Variants in STK31 observed in about 807,000 individuals in gnomAD.
STK31 encodes serine/threonine kinase 31.
Under a neutral mutation model 129.7 loss-of-function variants are expected in STK31, and 89 were observed. That is an observed-to-expected ratio of 0.69 (90% confidence interval 0.58 to 0.82). The LOEUF is 0.82. STK31 is among the 40% of genes least tolerant of loss of function. The probability of loss-of-function intolerance (pLI) is 0.00; values close to 1 mark genes in which losing one functional copy is unlikely to be tolerated. For synonymous variants in STK31, 448 were observed against 395.3 expected, an observed-to-expected ratio of 1.13 and a Z score of -1.58; for missense variants, 1,187 against 1,176.4, an observed-to-expected ratio of 1.01 and a Z score of -0.13.
chr7:23,753,168 A>G (rs1349520596), intron 9 of STK31, among the ~76,000 whole-genome samples: 1 of 152,224 alleles, frequency 6.6e-6, no homozygotes, highest in Non-Finnish European at 1.5e-5. Context: ...ATGTCCTTGA[A>G]TAACGTGTTT....
At chr7:23,758,442 G>GT (rs201121433) in intron 10 of STK31, among the ~76,000 whole-genome samples, 162 of 151,016 alleles carry the variant, frequency 1.1e-3, no homozygotes, top group African/African-American at 3.7e-3. Context: ...TTTTTGGAGT[G>GT]TTTTTTTTGT....
chr7:23,764,327 A>G (rs1294157223), intron 11 of STK31, among the ~76,000 whole-genome samples: 1 of 152,190 alleles, frequency 6.6e-6, no homozygotes, highest in Non-Finnish European at 1.5e-5. Flanking sequence ...TTAAAAGTTC[A>G]ATGCTAGAAG....
intron 5 of STK31, 40 bp downstream of exon 5, chr7:23,727,355 A>G: frequency 1.3e-6 from 2 of 1,586,588 alleles, no homozygotes; most frequent in Non-Finnish European, 1.7e-6. Flanking sequence ...GCTTTAAGAA[A>G]TATTTATTGT....
chr7:23,827,740 C>T (rs1370831582), intron 23 of STK31, among the ~76,000 whole-genome samples: 1 of 152,116 alleles, frequency 6.6e-6, no homozygotes, highest in Admixed American at 6.5e-5. Context: ...TACCTTTGGT[C>T]TTTGATGATG....
intron 23 of STK31, among the ~76,000 whole-genome samples, chr7:23,816,263 A>T (rs1223749122): frequency 6.6e-6 from 1 of 152,232 alleles, no homozygotes; most frequent in African/African-American, 2.4e-5. Context: ...TATGATAAAA[A>T]TTTATTGCTA....
rs1183626396 is a variant in STK31, at chr7:23,710,264, G to GC, written c.-22_-21insC. 3.1e-6 allele frequency: 5 copies of GC among 1,610,940 alleles called. No individual in the cohort carries two copies. Among genetic ancestry groups the GC allele is most frequent in the Non-Finnish European group, 4.2e-6 (5 of 1,179,466 alleles). On this transcript the variant is annotated 5_prime_UTR_variant, in exon 1 of 24. Transcript: ENST00000355870. ...AAGCCGCTGCACGTGTGCTACGGCG[G>GC]GCGGAGGGCCGAAAGTCCAGTATGT...
chr7:23,819,239 A>C (rs778815113), intron 23 of STK31, among the ~76,000 whole-genome samples: 3 of 152,166 alleles, frequency 2.0e-5, no homozygotes, highest in Non-Finnish European at 2.9e-5. Context: ...GTTCTTAAAA[A>C]CATATTCTGT....
Position 23,769,074 on chromosome 7 carries a change from A to C in STK31, c.1496A>C (p.Tyr499Ser). 1.2e-6 allele frequency: 2 copies of C among 1,613,370 alleles called. No individual in the cohort carries two copies. The highest frequency in any genetic ancestry group is 1.7e-6 in the Non-Finnish European group (2 of 1,179,470). ...TCTGATGAAATACTTAAAAAATTTTATGACTGGAAGTGTGATAAAAGAGAG... is the reference window on the plus strand; with the variant it reads ...TCTGATGAAATACTTAAAAAATTTTCTGACTGGAAGTGTGATAAAAGAGAG... ...ANSDEILKKF[Y>S]DWKCDKREEF... The change falls in exon 12 of 24, where the codon TAT (tyrosine) becomes TCT (serine). Residue 499 changes from tyrosine to serine, a missense_variant. Physicochemically the swap from Tyr to Ser is moderately radical, Grantham distance 144. Around this residue, in one of 5 missense-constraint regions of STK31, gnomAD observed 975 missense variants for 934.9 expected, o/e 1.04. Coordinates refer to ENST00000355870, the MANE Select transcript of STK31 (RefSeq NM_031414.5).
chr7:23,784,328 G>C (rs1360700734), intron 17 of STK31, among the ~76,000 whole-genome samples: 1 of 152,088 alleles, frequency 6.6e-6, no homozygotes, highest in Non-Finnish European at 1.5e-5. Flanking sequence ...AGGGATATTT[G>C]TGTAGACATG....
intron 10 of STK31, among the ~76,000 whole-genome samples, chr7:23,759,650 A>G (rs1789331099): frequency 6.6e-6 from 1 of 152,150 alleles, no homozygotes; most frequent in African/African-American, 2.4e-5. Context: ...TTTTTGCATG[A>G]AAACTTTACC....
rs529148422 is a variant in STK31, at chr7:23,710,343, G to T, written c.50+8G>T. On this transcript the variant is annotated splice_region_variant and intron_variant, in intron 1 of 23. Transcript: ENST00000355870. The stretch of plus-strand genomic sequence containing the variant: ...CGCAACGGAAAGTGTGAGGTCAGTA[G>T]TAGTTTTTGTGGTACGTGCAGTGGT... The T allele has an allele frequency of 3.1e-6, 5 of 1,613,492 alleles. No individual in the cohort carries two copies. Among genetic ancestry groups the T allele is most frequent in the Non-Finnish European group, 4.2e-6 (5 of 1,179,928 alleles).
At chr7:23,817,087 C>T (rs1423208358) in intron 23 of STK31, among the ~76,000 whole-genome samples, 1 of 152,050 alleles carries the variant, frequency 6.6e-6, no homozygotes, top group East Asian at 1.9e-4. Context: ...ACTTGGGAAT[C>T]TGAGGCAGGA....
intron 8 of STK31, among the ~76,000 whole-genome samples, chr7:23,747,609 C>G (rs1287279112): frequency 2.0e-5 from 3 of 151,992 alleles, no homozygotes; most frequent in African/African-American, 7.2e-5. Flanking sequence ...ACCTCGTGAT[C>G]CACCCGCCTC....
In STK31 at chr7:23,817,882, T is replaced by A. The variant is rs562827098; in HGVS notation, c.2829+2670T>A. Among the ~76,000 whole-genome samples, 10 of 152,228 alleles carry A rather than the reference T, an allele frequency of 6.6e-5. No homozygotes were observed. The South Asian group carries it at 2.1e-3, about 32-fold the overall frequency. On this transcript the variant is annotated intron_variant, in intron 23 of 23. Transcript: ENST00000355870. ...CTGGCAGTTTCAGTCTTCTCTCTTT[T>A]TTTTCTTCGTTAGTCCAAATAAGTT...
chr7:23,820,630 A>G (rs561875404), intron 23 of STK31, among the ~76,000 whole-genome samples: 6 of 152,176 alleles, frequency 3.9e-5, no homozygotes, highest in African/African-American at 1.2e-4. Context: ...TCTTCTGTCA[A>G]CCTGGTTGTT....
At chr7:23,778,447 CT>C (rs974394401) in intron 15 of STK31, among the ~76,000 whole-genome samples, 3 of 152,250 alleles carry the variant, frequency 2.0e-5, no homozygotes, top group African/African-American at 7.2e-5. Flanking sequence ...ACTTGGTTCC[CT>C]TTTCCCTGTC....
At chr7:23,762,698 G>T in intron 10 of STK31, 103 bp from the exon 11 acceptor site, 1 of 1,373,950 alleles carries the variant, frequency 7.3e-7, no homozygotes, top group Non-Finnish European at 9.9e-7. Context: ...TATAATGTTT[G>T]GAGAATATAA....
At chr7:23,746,651 T>C (rs1279699497) in intron 8 of STK31, among the ~76,000 whole-genome samples, 1 of 152,124 alleles carries the variant, frequency 6.6e-6, no homozygotes, top group African/African-American at 2.4e-5. Context: ...GAAGGGAAAA[T>C]ATTATTAAGA....
chr7:23,798,703 C>T (rs1175909094), intron 22 of STK31, among the ~76,000 whole-genome samples: 1 of 152,102 alleles, frequency 6.6e-6, no homozygotes, highest in Non-Finnish European at 1.5e-5. Context: ...ACAGGGATGC[C>T]CTCTCTCACC....
Sources: gnomAD v4.1 joint callset for allele counts (sites outside exome capture counted in the v4.1 genomes callset) on GRCh38, gnomAD v4.1.1 for gene constraint, gnomAD v4.1.1 regional missense constraint, MANE v1.5 for transcripts, NCBI Gene and HGNC (gene_info 2026-07-23, HGNC 2026-07-21) for gene names.